Variants in VWA5A observed in about 807,000 individuals in gnomAD.
VWA5A encodes von Willebrand factor A domain containing 5A, also known as von Willebrand factor A domain-containing protein 5A.
VWA5A carries 77 observed loss-of-function variants against 84.6 expected under a neutral mutation model. The observed-to-expected ratio is 0.91, with a 90% confidence interval of 0.76 to 1.10. The LOEUF (loss-of-function observed/expected upper bound fraction) is 1.10. VWA5A is among the 50% of genes least tolerant of loss of function. VWA5A has a pLI of 0.00. For missense variants in VWA5A, 973 were observed against 963.0 expected (o/e 1.01, Z -0.14); for synonymous variants, 334 against 350.1 (o/e 0.95, Z 0.51).
chr11:124,123,675 C>T lies in VWA5A; in HGVS notation c.1035C>T (p.Tyr345=). Residue 345 remains tyrosine, a synonymous_variant, in exon 10 of 19, where the codon TAC becomes TAT. Coordinates refer to ENST00000456829, the MANE Select transcript of VWA5A (RefSeq NM_001130142.2). ...YEACFPESVK[Y]TQQTMEEALG... is the part of the protein sequence containing the mutation. ...TTTTTCTCAGGGAGAGTGTGAAGTACACTCAGCAAACAATGGAGGAGGCTC... is the reference window on the plus strand; with the variant it reads ...TTTTTCTCAGGGAGAGTGTGAAGTATACTCAGCAAACAATGGAGGAGGCTC... The T allele has an allele frequency of 1.2e-6, 2 of 1,614,044 alleles. No individual in the cohort carries two copies. The highest frequency in any genetic ancestry group is 1.7e-6 in the Non-Finnish European group (2 of 1,180,014).
intron 8 of VWA5A, 36 bp from the exon 9 acceptor site, chr11:124,123,330 C>G: frequency 6.3e-7 from 1 of 1,599,218 alleles, no homozygotes; most frequent in Non-Finnish European, 8.5e-7. Flanking sequence ...TGGCGAGCCT[C>G]TCTCACTCTG....
At chr11:124,117,392 A>C in intron 2 of VWA5A, 105 bp from the exon 3 acceptor site, 1 of 1,118,466 alleles carries the variant, frequency 8.9e-7, no homozygotes, top group Non-Finnish European at 1.4e-6. Flanking sequence ...CTCCAACATT[A>C]ACCCTTTGAA....
At chr11:124,119,625 C>G (rs2137628374) in intron 7 of VWA5A, among the ~76,000 whole-genome samples, 1 of 152,220 alleles carries the variant, frequency 6.6e-6, no homozygotes, top group East Asian at 1.9e-4. Flanking sequence ...TGAGATGTCC[C>G]CCACCATTTT....
Position 124,117,831 on chromosome 11 carries a change from G to C in VWA5A, c.202G>C (p.Val68Leu), listed in dbSNP as rs761317971. 1 of 1,614,178 alleles carries C rather than the reference G, an allele frequency of 6.2e-7. No individual in the cohort carries two copies. The highest frequency in any genetic ancestry group is 8.5e-7 in the Non-Finnish European group (1 of 1,180,034). The change falls in exon 4 of 19, where the codon GTG (valine) becomes CTG (leucine). Residue 68 changes from valine (V) to leucine (L), a missense_variant. Coordinates refer to ENST00000456829, the MANE Select transcript of VWA5A (RefSeq NM_001130142.2). ...DSAVYSFEALVDGKKIVAELQ... is the reference protein window; with the variant it reads ...DSAVYSFEALLDGKKIVAELQ... The stretch of plus-strand genomic sequence containing the variant: ...TGCTGTTTACAGCTTTGAGGCCTTG[G>C]TGGATGGGAAGAAAATTGTAGCAGA...
intron 1 of VWA5A, 21 bp downstream of exon 1, chr11:124,115,503 T>G (rs1864813256): frequency 6.6e-6 from 1 of 152,168 alleles, no homozygotes; most frequent in Non-Finnish European, 1.5e-5. Context: ...AAGCTACCGG[T>G]GCAGGGCCTG....
intron 12 of VWA5A, among the ~76,000 whole-genome samples, chr11:124,135,309 C>A (rs963898817): frequency 6.6e-6 from 1 of 152,138 alleles, no homozygotes; most frequent in African/African-American, 2.4e-5. Flanking sequence ...CATTTAAGAC[C>A]AGACACAGAC....
intron 13 of VWA5A, 122 bp from the exon 14 acceptor site, chr11:124,136,452 C>A: frequency 7.1e-7 from 1 of 1,407,782 alleles, no homozygotes; most frequent in Non-Finnish European, 9.8e-7. Flanking sequence ...GTTTCCTAGG[C>A]TACCTGATTC....
At chr11:124,134,493 A>G (rs905194907) in intron 11 of VWA5A, among the ~76,000 whole-genome samples, 2 of 152,210 alleles carry the variant, frequency 1.3e-5, no homozygotes, top group African/African-American at 2.4e-5. Context: ...TTCTCTAAGA[A>G]TAGTCTTGCT....
chr11:124,118,220 A>AG lies in VWA5A; in HGVS notation c.281dup (p.His95ProfsTer22). ...ACCAACTATGAGAAAGCCATCTCCC[A>AG]GGGCCACCAGGCCTTCTTATTGGAG... On this transcript the variant is annotated frameshift_variant, in exon 5 of 19. Coordinates refer to ENST00000456829, the MANE Select transcript of VWA5A (RefSeq NM_001130142.2). LOFTEE classifies it high-confidence loss of function. The AG allele has an allele frequency of 1.9e-6, 3 of 1,614,070 alleles. No homozygotes were observed. Among genetic ancestry groups the AG allele is most frequent in the Non-Finnish European group, 2.5e-6 (3 of 1,179,994 alleles).
At chr11:124,120,569 T>C (rs962328016) in intron 7 of VWA5A, among the ~76,000 whole-genome samples, 1 of 152,300 alleles carries the variant, frequency 6.6e-6, no homozygotes, top group African/African-American at 2.4e-5. Context: ...AAATTGAACT[T>C]TTTAGTTTTC....
chr11:124,124,187 T>A (rs73030862), intron 10 of VWA5A, 50 bp from the exon 11 acceptor site: 50,289 of 1,582,598 alleles, frequency 0.032, 905 homozygotes, highest in Non-Finnish European at 0.037. Flanking sequence ...TTCTGGTTTC[T>A]TAAAAAGAAC....
intron 16 of VWA5A, among the ~76,000 whole-genome samples, chr11:124,142,134 C>T (rs2137665991): frequency 6.6e-6 from 1 of 152,190 alleles, no homozygotes; most frequent in African/African-American, 2.4e-5. Flanking sequence ...ACCTGCTATC[C>T]CAGTGGAGTC....
chr11:124,122,869 G>A (rs900553109), intron 7 of VWA5A, 91 bp from the exon 8 acceptor site: 34 of 1,331,458 alleles, frequency 2.6e-5, no homozygotes, highest in Non-Finnish European at 3.4e-5. Flanking sequence ...AGTTTTCCTA[G>A]CTCTTAATTG....
intron 7 of VWA5A, 58 bp from the exon 8 acceptor site, chr11:124,122,902 G>A: frequency 6.6e-7 from 1 of 1,506,482 alleles, no homozygotes; most frequent in South Asian, 1.3e-5. Context: ...TTGATTCTTA[G>A]GTACTAGGAT....
In VWA5A at chr11:124,118,243, G is replaced by C. The variant is rs1031678200; in HGVS notation, c.301G>C (p.Glu101Gln). Reference protein sequence around the residue: ...ISQGHQAFLLEGDSSSRDVFS... With the variant: ...ISQGHQAFLLQGDSSSRDVFS... ...CCAGGGCCACCAGGCCTTCTTATTG[G>C]AGGGGGACAGCAGCTCCAGGGATGT... is the stretch of plus-strand genomic sequence containing the variant. Residue 101 changes from glutamate (E) to glutamine (Q), a missense_variant, in exon 5 of 19, where the codon GAG (glutamate) becomes CAG (glutamine). Glu to Gln is a conservative substitution (Grantham distance 29, BLOSUM62 2). Coordinates refer to ENST00000456829, the MANE Select transcript of VWA5A (RefSeq NM_001130142.2). 6.2e-7 allele frequency: 1 copy of C among 1,614,178 alleles called. No homozygotes were observed.
chr11:124,142,540 T>C lies in VWA5A; in HGVS notation c.2122T>C (p.Leu708=). The part of the protein sequence containing the change: ...EDLAKILGMS[L]EEIMAAQPAE... ...TCTAGCCAAGATCCTAGGTATGAGT[T>C]TGGAAGAAATAATGGCTGCACAGCC... Residue 708 remains leucine (L), a synonymous_variant, in exon 17 of 19, where the codon TTG becomes CTG. Coordinates refer to ENST00000456829, the MANE Select transcript of VWA5A (RefSeq NM_001130142.2). 2.5e-6 allele frequency: 4 copies of C among 1,614,082 alleles called. No homozygotes were observed. The highest frequency in any genetic ancestry group is 3.4e-6 in the Non-Finnish European group (4 of 1,180,012).
chr11:124,137,005 TTC>T lies in VWA5A; in HGVS notation c.1626-9_1626-8del. 1 of 1,602,770 alleles carries T rather than the reference TTC, an allele frequency of 6.2e-7. No homozygotes were observed. Among genetic ancestry groups the T allele is most frequent in the Non-Finnish European group, 8.5e-7 (1 of 1,176,886 alleles). ...CCTACATTTCAGTACTTTTTTTTTT[TTC>T]CTTTCAGCCTCACCATTCACCGCCT... On this transcript the variant is annotated splice_region_variant and splice_polypyrimidine_tract_variant and intron_variant, in intron 14 of 18. Coordinates refer to ENST00000456829, the MANE Select transcript of VWA5A (RefSeq NM_001130142.2).
intron 16 of VWA5A, 144 bp downstream of exon 16, chr11:124,141,885 T>G: frequency 8.3e-7 from 1 of 1,203,132 alleles, no homozygotes; most frequent in Non-Finnish European, 1.1e-6. Context: ...AAAAGATTCA[T>G]TCCTCCACCC....
At chr11:124,136,053 A>G (rs1591363857) in intron 12 of VWA5A, 76 bp from the exon 13 acceptor site, 1 of 1,513,606 alleles carries the variant, frequency 6.6e-7, no homozygotes, top group South Asian at 1.2e-5. Context: ...CATCTGATAC[A>G]TAATAAATGT....
Sources: gnomAD v4.1 joint callset for allele counts (sites outside exome capture counted in the v4.1 genomes callset) on GRCh38, gnomAD v4.1.1 for gene constraint, MANE v1.5 for transcripts, NCBI Gene and HGNC (gene_info 2026-07-23, HGNC 2026-07-21) for gene names.